The following HSD17B2 variants were observed in gnomAD, a reference collection of about 807,000 sequenced individuals.
HSD17B2 encodes the protein 17-beta-hydroxysteroid dehydrogenase type 2.
In HSD17B2, 32 loss-of-function variants were observed where a neutral mutation model predicts 26.9. The observed-to-expected ratio is 1.19, with a 90% CI of 0.90 to 1.60. The LOEUF (loss-of-function observed/expected upper bound fraction) is 1.60. HSD17B2 is among the 40% of genes most tolerant of loss of function. The pLI is 0.00. For synonymous variants in HSD17B2, 246 were observed against 186.7 expected (o/e 1.32, Z -2.59); for missense variants, 613 against 468.6 (o/e 1.31, Z -2.85).
chr16:82,062,974 A>C (rs1174463582), intron 1 of HSD17B2: 1 of 152,250 alleles, frequency 6.6e-6, no homozygotes, highest in Non-Finnish European at 1.5e-5. Flanking sequence ...GTCAGAAATG[A>C]CGTCACGGTT....
chr16:82,048,054 T>C (rs1913990056), intron 1 of HSD17B2, among the ~76,000 whole-genome samples: 1 of 152,154 alleles, frequency 6.6e-6, no homozygotes, highest in Admixed American at 6.5e-5. Context: ...TGTATTCAGG[T>C]GGTGGTGTCC....
rs181901998 is a variant in HSD17B2 at position 82,075,399 on chromosome 16, C to G, written c.664+4272C>G. 2.5e-3 allele frequency among the ~76,000 whole-genome samples: 387 copies of G among 152,030 alleles called. 3 individuals are homozygous for G. Among genetic ancestry groups the G allele is most frequent in the African/African-American group, 8.6e-3 (357 of 41,492 alleles). ...AAAAGAAGAAGACAATACAAAAGAT[C>G]AGCAAAATGAAAAGTTGGTTTCTGG... On this transcript the variant is annotated intron_variant, in intron 3 of 4. Transcript: ENST00000199936.
At chr16:82,089,517 C>G (rs1904622623) in intron 3 of HSD17B2, among the ~76,000 whole-genome samples, 1 of 152,144 alleles carries the variant, frequency 6.6e-6, no homozygotes, top group African/African-American at 2.4e-5. Context: ...TGAAGACCAC[C>G]AGGAATGCAC....
intron 1 of HSD17B2, among the ~76,000 whole-genome samples, chr16:82,052,836 G>A (rs987819470): frequency 1.3e-5 from 2 of 152,208 alleles, no homozygotes; most frequent in Non-Finnish European, 2.9e-5. Flanking sequence ...CCTTAAAACA[G>A]CAGAAATTTA....
intron 3 of HSD17B2, chr16:82,071,366 T>A (rs1319382197): frequency 1.8e-6 from 1 of 565,642 alleles, no homozygotes; most frequent in Non-Finnish European, 3.2e-6. Flanking sequence ...GGATTTAGGG[T>A]TCTTATATGT....
At chr16:82,085,761 C>G (rs1904510227) in intron 3 of HSD17B2, among the ~76,000 whole-genome samples, 6 of 152,106 alleles carry the variant, frequency 3.9e-5, no homozygotes, top group African/African-American at 7.2e-5. Context: ...ATGTCTATAA[C>G]TAGTTCCTGA....
intron 3 of HSD17B2, among the ~76,000 whole-genome samples, chr16:82,080,008 C>G (rs1392364949): frequency 6.6e-6 from 1 of 152,178 alleles, no homozygotes; most frequent in Non-Finnish European, 1.5e-5. Context: ...CCTGACCCAC[C>G]AGATTGTCTT....
At chr16:82,079,851 T>A (rs183108997) in intron 3 of HSD17B2, among the ~76,000 whole-genome samples, 1 of 152,228 alleles carries the variant, frequency 6.6e-6, no homozygotes, top group Non-Finnish European at 1.5e-5. Context: ...CTTGTTGATA[T>A]ATCTTTGGCA....
intron 3 of HSD17B2, among the ~76,000 whole-genome samples, chr16:82,087,281 C>G (rs561575190): frequency 6.6e-6 from 1 of 152,246 alleles, no homozygotes; most frequent in South Asian, 2.1e-4. Flanking sequence ...AAGTAGAATT[C>G]ACATTAAGTG....
intron 1 of HSD17B2, among the ~76,000 whole-genome samples, chr16:82,051,678 T>A (rs979154590): frequency 1.3e-5 from 2 of 152,124 alleles, no homozygotes; most frequent in Non-Finnish European, 2.9e-5. Flanking sequence ...ATGCCACACA[T>A]ACAGCTATGT....
intron 1 of HSD17B2, among the ~76,000 whole-genome samples, chr16:82,052,893 G>T (rs781777323): frequency 1.3e-5 from 2 of 152,156 alleles, no homozygotes; most frequent in Non-Finnish European, 2.9e-5. Context: ...CATGGTACTG[G>T]CATTGCTCTT....
chr16:82,077,945 A>G (rs959917510), intron 3 of HSD17B2, among the ~76,000 whole-genome samples: 1 of 152,238 alleles, frequency 6.6e-6, no homozygotes, highest in Non-Finnish European at 1.5e-5. Context: ...AAACTATTGT[A>G]CTATAAGAAA....
At chr16:82,040,968 C>T (rs762295725) in intron 1 of HSD17B2, among the ~76,000 whole-genome samples, 47 of 152,206 alleles carry the variant, frequency 3.1e-4, no homozygotes, top group Admixed American at 5.2e-4. Context: ...ATGATTTTTA[C>T]ATGAACAAAT....
intron 3 of HSD17B2, among the ~76,000 whole-genome samples, chr16:82,084,374 T>G (rs995550074): frequency 6.6e-6 from 1 of 152,222 alleles, no homozygotes; most frequent in South Asian, 2.1e-4. Flanking sequence ...CCCATGATCT[T>G]TGGGGTGCAA....
Position 82,098,307 on chromosome 16 carries a change from C to A in HSD17B2, c.1035C>A (p.Tyr345Ter), listed in dbSNP as rs1358701858. ...FAYYTPGKGA[Y>*]LWICLAHYLP... ...ATTACACGCCAGGGAAAGGCGCTTA[C>A]TTGTGGATCTGCCTTGCTCACTATT... The change falls in exon 5 of 5, where the codon TAC becomes TAA. Residue 345 changes from tyrosine (Y) to a stop codon, truncating the protein, a stop_gained. Transcript: ENST00000199936. LOFTEE classifies it low-confidence loss of function (END_TRUNC). 1 of 1,614,114 alleles carries A rather than the reference C, an allele frequency of 6.2e-7. No homozygotes were observed. Among genetic ancestry groups the A allele is most frequent in the Non-Finnish European group, 8.5e-7 (1 of 1,180,038 alleles).
intron 3 of HSD17B2, among the ~76,000 whole-genome samples, chr16:82,078,363 T>G (rs1597135011): frequency 6.6e-6 from 1 of 152,162 alleles, no homozygotes; most frequent in East Asian, 1.9e-4. Context: ...TAAAATGGCT[T>G]TCATCCAAAA....
intron 1 of HSD17B2, among the ~76,000 whole-genome samples, chr16:82,040,584 T>G (rs1913740031): frequency 6.6e-6 from 1 of 152,212 alleles, no homozygotes; most frequent in Non-Finnish European, 1.5e-5. Context: ...ACCCAGGATA[T>G]AAAACGTGTC....
chr16:82,061,691 A>T (rs1382585157), intron 1 of HSD17B2, among the ~76,000 whole-genome samples: 1 of 152,242 alleles, frequency 6.6e-6, no homozygotes, highest in Non-Finnish European at 1.5e-5. Flanking sequence ...TGTAGGAAAA[A>T]AGACTAGAAG....
intron 3 of HSD17B2, among the ~76,000 whole-genome samples, chr16:82,081,638 T>C (rs79364531): frequency 1.3e-5 from 2 of 152,170 alleles, no homozygotes; most frequent in African/African-American, 4.8e-5. Flanking sequence ...GAGGCTTAAA[T>C]AAAATAATTC....
Sources: allele counts gnomAD v4.1 joint callset (sites outside exome capture counted in the v4.1 genomes callset), GRCh38; gene constraint gnomAD v4.1.1; transcripts MANE v1.5; gene names NCBI Gene and HGNC (gene_info 2026-07-23, HGNC 2026-07-21).